CELF2: variants seen among roughly 807,000 people sequenced by gnomAD.
The protein encoded by CELF2 is CUGBP Elav-like family member 2, also known as CUG triplet repeat RNA-binding protein 2.
CELF2 carries 8 observed loss-of-function variants against 62.6 expected under a neutral mutation model. The observed-to-expected ratio is 0.13, with a 90% CI of 0.07 to 0.23. The LOEUF (loss-of-function observed/expected upper bound fraction) is 0.23, where lower values mean the gene tolerates loss of function less well. Among genes scored for constraint, CELF2 ranks in the 10% least tolerant of loss-of-function variants. The probability of loss-of-function intolerance (pLI) is 1.00; values close to 1 mark genes in which losing one functional copy is unlikely to be tolerated. For missense variants in CELF2, 333 were observed against 671.0 expected, an observed-to-expected ratio of 0.50 and a Z score of 5.56; for synonymous variants, 258 against 250.0, an observed-to-expected ratio of 1.03 and a Z score of -0.30.
In CELF2 at chr10:11,331,743, T is replaced by A. The variant is rs1240987954; in HGVS notation, c.*2690T>A. 6.6e-6 allele frequency: 1 copy of A among 150,548 alleles called. No homozygotes were observed. The highest frequency in any genetic ancestry group is 1.5e-5 in the Non-Finnish European group (1 of 67,966). The allele number at this position is 150,548 out of a possible 1,614,324, so 9.3% of individuals were successfully genotyped here. A position where few individuals can be genotyped will look rare whatever the true frequency, so the allele number is the denominator to read the frequency against. On this transcript the variant is annotated 3_prime_UTR_variant, in exon 13 of 13. Transcript: ENST00000633077. ...CATTGTATAAGTGCCCATGTCCCAC[T>A]TTTTTAACCACTCCGCACATCAGTG...
At chr10:10,662,568 C>T in the CELF2 span, among the ~76,000 whole-genome samples, 12 of 152,104 alleles carry the variant, frequency 7.9e-5, no homozygotes, top group Admixed American at 3.9e-4. Context: ...TGAGGAAGCA[C>T]GTGACAAAAG....
At chr10:10,594,694 C>G in the CELF2 span, among the ~76,000 whole-genome samples, 1 of 152,230 alleles carries the variant, frequency 6.6e-6, no homozygotes, top group African/African-American at 2.4e-5. Context: ...AGAACCATGA[C>G]TAGGGGAGTG....
chr10:10,482,164 T>A, the CELF2 span, among the ~76,000 whole-genome samples: 5 of 152,230 alleles, frequency 3.3e-5, no homozygotes, highest in African/African-American at 9.6e-5. Context: ...AATTGTTGAT[T>A]ATGTATTCAT....
chr10:11,164,068 C>G (rs2066358988), intron 1 of CELF2, among the ~76,000 whole-genome samples: 2 of 152,246 alleles, frequency 1.3e-5, no homozygotes, highest in South Asian at 4.1e-4. Flanking sequence ...TTTCTGACCT[C>G]TCTGCTTTTT....
At chr10:10,878,002 G>T (rs1195773442) in intron 1 of CELF2, among the ~76,000 whole-genome samples, 1 of 152,132 alleles carries the variant, frequency 6.6e-6, no homozygotes, top group African/African-American at 2.4e-5. Flanking sequence ...AAACCAAGTG[G>T]GGGATGGCTG....
chr10:10,495,621 C>T, the CELF2 span, among the ~76,000 whole-genome samples: 3 of 152,212 alleles, frequency 2.0e-5, no homozygotes, highest in African/African-American at 7.2e-5. Context: ...GCTTTCTCCC[C>T]TTCCTCAAAA....
At chr10:11,274,952 C>T (rs913554759) in intron 7 of CELF2, 105 bp from the exon 8 acceptor site, 1 of 1,084,236 alleles carries the variant, frequency 9.2e-7, no homozygotes, top group Non-Finnish European at 1.4e-6. Context: ...TAGGGAGTAG[C>T]AACCAACCCT....
the CELF2 span, among the ~76,000 whole-genome samples, chr10:10,540,322 C>A: frequency 1.3e-5 from 2 of 152,180 alleles, no homozygotes; most frequent in African/African-American, 4.8e-5. Flanking sequence ...GCTCCTAGCA[C>A]CCTCATTACC....
the CELF2 span, among the ~76,000 whole-genome samples, chr10:10,660,146 C>A: frequency 5.3e-5 from 8 of 152,278 alleles, no homozygotes; most frequent in Non-Finnish European, 1.0e-4. Flanking sequence ...TCATCAGGAA[C>A]CTTTTCTTGC....
the CELF2 span, among the ~76,000 whole-genome samples, chr10:10,724,655 C>CAA: frequency 0.24 from 19,101 of 79,592 alleles, 2,366 homozygotes; most frequent in Non-Finnish European, 0.29. Flanking sequence ...GACTCCGTCT[C>CAA]AAAAAAAAAA....
intron 5 of CELF2, among the ~76,000 whole-genome samples, chr10:11,259,240 C>T (rs1184596058): frequency 3.3e-5 from 5 of 152,190 alleles, no homozygotes; most frequent in African/African-American, 1.2e-4. Context: ...TGAGGAAGAA[C>T]ATTTGCTCTT....
the CELF2 span, among the ~76,000 whole-genome samples, chr10:10,640,345 T>C: frequency 1.3e-5 from 2 of 152,224 alleles, no homozygotes; most frequent in African/African-American, 4.8e-5. Context: ...CTGTTGTTCC[T>C]GCTGTCTGGG....
rs1432767839 is a variant in CELF2 at position 11,244,657 on chromosome 10, T to A, written c.355-4496T>A. Among the ~76,000 whole-genome samples the A allele has an allele frequency of 2.0e-4, 15 of 73,728 alleles. No individual in the cohort carries two copies. The highest frequency in any genetic ancestry group is 3.6e-4 in the Non-Finnish European group (13 of 36,198). 48.4% of individuals were successfully genotyped at this position (73,728 alleles called of 152,430 possible). On this transcript the variant is annotated intron_variant, in intron 3 of 12. Coordinates refer to ENST00000633077, the MANE Select transcript of CELF2 (RefSeq NM_001326342.2). This position sits in a 1 kb window ranked among gnomAD's most constrained non-coding sequence, Gnocchi z 4.2. ...CTAGGTGACAGAGCAAGACTCCGTC[T>A]CAAAAAAAAAAAAACAGCATAAAAA...
chr10:10,877,900 A>G (rs1367501949), intron 1 of CELF2, among the ~76,000 whole-genome samples: 1 of 152,168 alleles, frequency 6.6e-6, no homozygotes, highest in Non-Finnish European at 1.5e-5. Context: ...TTGAGAGCAT[A>G]CATCTCTTTT....
intron 9 of CELF2, among the ~76,000 whole-genome samples, chr10:11,291,289 A>C (rs777499059): frequency 6.6e-6 from 1 of 152,280 alleles, no homozygotes; most frequent in Non-Finnish European, 1.5e-5. Context: ...ATAATTGTAA[A>C]TTTATCATTT....
At chr10:11,042,270 G>T (rs2061976704) in intron 1 of CELF2, among the ~76,000 whole-genome samples, 2 of 152,216 alleles carry the variant, frequency 1.3e-5, no homozygotes, top group Admixed American at 1.3e-4. Context: ...ACTGTTTTGT[G>T]TTGAATAACT....
At chr10:10,745,720 C>T in the CELF2 span, among the ~76,000 whole-genome samples, 1 of 152,162 alleles carries the variant, frequency 6.6e-6, no homozygotes, top group Non-Finnish European at 1.5e-5. Context: ...GAGGGTGACC[C>T]CTCTAAAATG....
At chr10:10,961,705 G>A (rs2049522276) in intron 2 of CELF2, among the ~76,000 whole-genome samples, 1 of 151,348 alleles carries the variant, frequency 6.6e-6, no homozygotes, top group African/African-American at 2.4e-5. Context: ...GAGCCAAGAT[G>A]GCACCACTGC....
intron 3 of CELF2, among the ~76,000 whole-genome samples, chr10:11,219,203 A>G (rs1187759038): frequency 6.6e-6 from 1 of 152,248 alleles, no homozygotes; most frequent in Non-Finnish European, 1.5e-5. Context: ...AGCTCCCAGC[A>G]TGCGATCTTC....
Sources: allele counts gnomAD v4.1 joint callset (sites outside exome capture counted in the v4.1 genomes callset), GRCh38; gene constraint gnomAD v4.1.1; non-coding constraint Gnocchi (gnomAD v3.1); transcripts MANE v1.5; gene names NCBI Gene and HGNC (gene_info 2026-07-23, HGNC 2026-07-21).